The following HS3ST6 variants were observed in gnomAD, a reference collection of about 807,000 sequenced individuals.
HS3ST6 encodes the protein heparan sulfate glucosamine 3-O-sulfotransferase 6.
Under a neutral mutation model 11.0 loss-of-function variants are expected in HS3ST6, and 13 were observed. The ratio of observed to expected loss-of-function variants is 1.18; its 90% CI spans 0.77 to 1.88. The LOEUF (loss-of-function observed/expected upper bound fraction) is 1.88, where lower values mean the gene tolerates loss of function less well. HS3ST6 is among the 40% of genes most tolerant of loss of function. The pLI is 0.00. For synonymous variants in HS3ST6, 232 were observed against 230.6 expected (o/e 1.01, Z -0.06); for missense variants, 541 against 494.4 (o/e 1.09, Z -0.89).
chr16:1,915,860 C>T (rs970379056), intron 1 of HS3ST6, among the ~76,000 whole-genome samples: 85 of 152,304 alleles, frequency 5.6e-4, no homozygotes, highest in African/African-American at 1.9e-3. Context: ...GACCCAACTG[C>T]CGAGGCCACA....
At position 1,918,288 on chromosome 16, in the gene HS3ST6, C is replaced by T. The variant is rs1374008537; in HGVS notation, c.36G>A (p.Gly12=). ...GCCCGGCCCCTGCGCCCTGGCCGCC[C>T]CCGGCCCCGCCGCCCAGGCCGCCGC... The part of the protein sequence containing the change: ...AGSGGLGGGA[G]GGQGAGAGQG... The change falls in exon 1 of 2, where the codon GGG becomes GGA. Residue 12 remains glycine, a synonymous_variant. Transcript: ENST00000454677. This position sits in a 1 kb window ranked among gnomAD's most constrained non-coding sequence, Gnocchi z 6.0. 7.1e-5 allele frequency: 59 copies of T among 833,892 alleles called. 1 individual carries two copies. The highest frequency in any genetic ancestry group is 3.7e-4 in the Admixed American group (6 of 16,176). The allele number at this position is 833,892 out of a possible 1,614,324, so 51.7% of individuals were successfully genotyped here.
chr16:1,916,182 G>A (rs1197860935), intron 1 of HS3ST6, among the ~76,000 whole-genome samples: 1 of 152,222 alleles, frequency 6.6e-6, no homozygotes, highest in Non-Finnish European at 1.5e-5. Context: ...AGAGCATGAG[G>A]ACACTTGCAA....
chr16:1,918,708 C>T (rs1435279467), upstream of HS3ST6, among the ~76,000 whole-genome samples: 2 of 151,994 alleles, frequency 1.3e-5, no homozygotes, highest in Non-Finnish European at 2.9e-5. The surrounding 1 kb of genome is among the most constrained non-coding windows in gnomAD (Gnocchi z 6.0). Flanking sequence ...AGGGACAGGG[C>T]GGCGCGCGGG....
intron 1 of HS3ST6, 78 bp downstream of exon 1, chr16:1,917,833 T>C (rs1161224965): frequency 8.8e-7 from 1 of 1,134,796 alleles, no homozygotes. Context: ...AGGCAGGATA[T>C]CGTGCCGCTG....
intron 1 of HS3ST6, among the ~76,000 whole-genome samples, chr16:1,916,501 C>T (rs2150845882): frequency 6.6e-6 from 1 of 152,108 alleles, no homozygotes; most frequent in Admixed American, 6.5e-5. Flanking sequence ...CCAAACTGAT[C>T]CCCCAGCGCT....
chr16:1,918,515 G>T (rs1404044860), upstream of HS3ST6: 4 of 124,146 alleles, frequency 3.2e-5, no homozygotes, highest in African/African-American at 8.8e-5. This position sits in a 1 kb window ranked among gnomAD's most constrained non-coding sequence, Gnocchi z 6.0. Flanking sequence ...CGCCCACTCC[G>T]CCTCCGAGGC....
At position 1,911,660 on chromosome 16, in the gene HS3ST6, AGGCGCCGGACCAG is replaced by A; in HGVS notation, c.946_958del (p.Leu316CysfsTer15). On this transcript the variant is annotated frameshift_variant, in exon 2 of 2. Transcript: ENST00000454677. LOFTEE classifies it high-confidence loss of function. ...GTTGAAGGGCCGGTAGAACTCCTGCAGGCGCCGGACCAGGGCCTGGGGCACGCGTGGGTGTGGC... is the reference window on the plus strand; with the variant it reads ...GTTGAAGGGCCGGTAGAACTCCTGCAGGCCTGGGGCACGCGTGGGTGTGGC... 1 of 1,610,760 alleles carries A rather than the reference AGGCGCCGGACCAG, an allele frequency of 6.2e-7. No homozygotes were observed. Among genetic ancestry groups the A allele is most frequent in the South Asian group, 1.1e-5 (1 of 90,816 alleles).
chr16:1,914,957 C>A (rs868512964), intron 1 of HS3ST6, among the ~76,000 whole-genome samples: 5 of 152,284 alleles, frequency 3.3e-5, no homozygotes, highest in Middle Eastern at 3.4e-3. Context: ...GGACTGCCCC[C>A]CTCCTTGTGG....
In HS3ST6 at chr16:1,918,247, C is replaced by G. The variant is rs1247795921; in HGVS notation, c.77G>C (p.Arg26Pro). The change falls in exon 1 of 2, where the codon CGG (arginine) becomes CCG (proline). Residue 26 changes from arginine (R) to proline (P), a missense_variant. Physicochemically the swap from Arg to Pro is moderately radical, Grantham distance 103. Transcript: ENST00000454677. This position sits in a 1 kb window ranked among gnomAD's most constrained non-coding sequence, Gnocchi z 6.0. ...GAGAGQGAAL[R>P]ASRAPMLLVA... ...GAGCAGCATCGGCGCGCGGGACGCC[C>G]GCAGAGCGGCCCCTTGCCCGGCCCC... The G allele has an allele frequency of 1.1e-5, 11 of 1,017,560 alleles. No homozygotes were observed. Among genetic ancestry groups the G allele is most frequent in the Non-Finnish European group, 1.3e-5 (11 of 852,790 alleles). 63.0% of individuals were successfully genotyped at this position (1,017,560 alleles called of 1,614,324 possible). A position where few individuals can be genotyped will look rare whatever the true frequency, so the allele number is the denominator to read the frequency against.
intron 1 of HS3ST6, among the ~76,000 whole-genome samples, chr16:1,917,361 A>G (rs2082932851): frequency 6.6e-6 from 1 of 152,092 alleles, no homozygotes. Flanking sequence ...CACCCTGGGC[A>G]CTCACCTAAA....
At chr16:1,919,385 G>A (rs943343092), upstream of HS3ST6, among the ~76,000 whole-genome samples, 1 of 152,206 alleles carries the variant, frequency 6.6e-6, no homozygotes, top group Non-Finnish European at 1.5e-5. Flanking sequence ...CATCCCCAAC[G>A]CCCAGCAGCA....
At chr16:1,914,008 G>A (rs1438312955) in intron 1 of HS3ST6, among the ~76,000 whole-genome samples, 1 of 152,154 alleles carries the variant, frequency 6.6e-6, no homozygotes, top group African/African-American at 2.4e-5. Context: ...GACGATACCG[G>A]ACAAGTCCTC....
upstream of HS3ST6, among the ~76,000 whole-genome samples, chr16:1,920,690 C>T (rs1179343918): frequency 1.3e-5 from 2 of 152,036 alleles, no homozygotes; most frequent in African/African-American, 4.8e-5. Context: ...GGACTGGGGA[C>T]AGGGAGAGAG....
chr16:1,918,697 C>G (rs2082944588), upstream of HS3ST6, among the ~76,000 whole-genome samples: 1 of 151,476 alleles, frequency 6.6e-6, no homozygotes. The surrounding 1 kb of genome is among the most constrained non-coding windows in gnomAD (Gnocchi z 6.0). Context: ...GGACGCAGGG[C>G]AGGGACAGGG....
In HS3ST6 at chr16:1,912,446, G is replaced by A. The variant is rs567726511; in HGVS notation, c.414-241C>T. On this transcript the variant is annotated intron_variant, in intron 1 of 1. Coordinates refer to ENST00000454677, the MANE Select transcript of HS3ST6 (RefSeq NM_001009606.4). The surrounding 1 kb of genome is among the most constrained non-coding windows in gnomAD (Gnocchi z 5.6). ...CCGGCCTGTTCCGCCGGCCTGCCCC[G>A]CCTGCTGCTGCACTGAGGATTAGGG... Among the ~76,000 whole-genome samples, 10 of 152,198 alleles carry A rather than the reference G, an allele frequency of 6.6e-5. No homozygotes were observed. The highest frequency in any genetic ancestry group is 2.1e-4 in the South Asian group (1 of 4,822).
chr16:1,916,257 G>A (rs895318189), intron 1 of HS3ST6, among the ~76,000 whole-genome samples: 1 of 152,180 alleles, frequency 6.6e-6, no homozygotes, highest in African/African-American at 2.4e-5. Flanking sequence ...CAGCACAGTT[G>A]GTCCAAGGGA....
At position 1,911,727 on chromosome 16, in the gene HS3ST6, G is replaced by A. The variant is rs546685760; in HGVS notation, c.892C>T (p.Pro298Ser). The change falls in exon 2 of 2, where the codon CCC (proline) becomes TCC (serine). Residue 298 changes from proline (P) to serine (S), a missense_variant. By Grantham distance (74) the Pro-to-Ser change is moderately conservative (BLOSUM62 -1). Transcript: ENST00000454677. ...CCCTTGGACTTGCCCAGGCAGCGGG[G>A]ACGGCTGCCGCCCTGGGCCTTCTTG... ...CLKKAQGGSR[P>S]RCLGKSKGRP... 1.5e-5 allele frequency: 25 copies of A among 1,612,992 alleles called. No individual in the cohort carries two copies. In the South Asian group the frequency reaches 2.3e-4, roughly 15 times the overall value.
At chr16:1,916,774 C>T (rs1215802835) in intron 1 of HS3ST6, among the ~76,000 whole-genome samples, 5 of 151,340 alleles carry the variant, frequency 3.3e-5, no homozygotes, top group Non-Finnish European at 1.5e-5. Flanking sequence ...CTCGCCACTC[C>T]CCTCCTCCCC....
Position 1,912,054 on chromosome 16 carries a change from A to C in HS3ST6, c.565T>G (p.Ser189Ala). ...TTGGAGAGCGTCTGGGCGTAGTCGG[A>C]GATGGCCCGGGTCACGGGGTTCCGC... ...VVRNPVTRAISDYAQTLSKTP... is the reference protein window; with the variant it reads ...VVRNPVTRAIADYAQTLSKTP... The change falls in exon 2 of 2, where the codon TCC becomes GCC. Residue 189 changes from serine to alanine, a missense_variant. Ser to Ala is a moderately conservative substitution (Grantham distance 99, BLOSUM62 1). Coordinates refer to ENST00000454677, the MANE Select transcript of HS3ST6 (RefSeq NM_001009606.4). This position sits in a 1 kb window ranked among gnomAD's most constrained non-coding sequence, Gnocchi z 5.6. The C allele has an allele frequency of 6.6e-7, 1 of 1,514,414 alleles. No homozygotes were observed. Among genetic ancestry groups the C allele is most frequent in the Non-Finnish European group, 8.8e-7 (1 of 1,132,784 alleles). The allele number at this position is 1,514,414 out of a possible 1,614,324, so 93.8% of individuals were successfully genotyped here.
Sources: allele counts gnomAD v4.1 joint callset (sites outside exome capture counted in the v4.1 genomes callset), GRCh38; gene constraint gnomAD v4.1.1; non-coding constraint Gnocchi (gnomAD v3.1); transcripts MANE v1.5; gene names NCBI Gene and HGNC (gene_info 2026-07-23, HGNC 2026-07-21).